BICC1: variants seen among roughly 807,000 people sequenced by gnomAD.
BICC1 encodes the protein protein bicaudal C homolog 1.
A neutral mutation model predicts 111.0 loss-of-function variants in BICC1; 43 were observed. The observed-to-expected ratio is 0.39, with a 90% confidence interval of 0.30 to 0.50. The LOEUF is 0.50. BICC1 is among the 20% of genes least tolerant of loss of function. The pLI is 0.88. For synonymous variants in BICC1, 467 were observed against 434.4 expected, an observed-to-expected ratio of 1.07 and a Z score of -0.93; for missense variants, 1,091 against 1,203.2, an observed-to-expected ratio of 0.91 and a Z score of 1.38.
At chr10:58,710,514 G>T (rs1840540364) in intron 3 of BICC1, among the ~76,000 whole-genome samples, 1 of 152,168 alleles carries the variant, frequency 6.6e-6, no homozygotes, top group Admixed American at 6.5e-5. Flanking sequence ...GGGGAAATTA[G>T]ATTTTACCGT....
chr10:58,790,364 A>G (rs1404026176), intron 8 of BICC1, among the ~76,000 whole-genome samples: 1 of 152,202 alleles, frequency 6.6e-6, no homozygotes, highest in Non-Finnish European at 1.5e-5. Flanking sequence ...TGTCAGCCCA[A>G]AACATTTGTA....
chr10:58,617,133 G>A (rs774052562), intron 1 of BICC1, among the ~76,000 whole-genome samples: 15 of 152,254 alleles, frequency 9.9e-5, no homozygotes, highest in Non-Finnish European at 1.9e-4. Flanking sequence ...AAGGAGCTGC[G>A]CTCCAGTATT....
At chr10:58,696,630 G>A (rs1402036227) in intron 2 of BICC1, among the ~76,000 whole-genome samples, 1 of 152,166 alleles carries the variant, frequency 6.6e-6, no homozygotes, top group Non-Finnish European at 1.5e-5. Flanking sequence ...TAGTATAAGA[G>A]AGCAGCTAAG....
At chr10:58,717,361 A>AG (rs1365416926) in intron 3 of BICC1, among the ~76,000 whole-genome samples, 2 of 1,962 alleles carry the variant, frequency 1.0e-3, no homozygotes, top group East Asian at 0.053. Flanking sequence ...TTTGATTAAA[A>AG]AAAAAAAAAA....
intron 15 of BICC1, among the ~76,000 whole-genome samples, chr10:58,803,885 T>C (rs1843631526): frequency 6.6e-6 from 1 of 152,172 alleles, no homozygotes; most frequent in Non-Finnish European, 1.5e-5. Flanking sequence ...TAGATGACAA[T>C]ATGAAAGATA....
At chr10:58,543,024 T>C (rs1843037270) in intron 1 of BICC1, among the ~76,000 whole-genome samples, 1 of 152,094 alleles carries the variant, frequency 6.6e-6, no homozygotes, top group Non-Finnish European at 1.5e-5. Context: ...TGGGTTTATA[T>C]ACAAGGAATT....
At chr10:58,537,937 G>T (rs1349712786) in intron 1 of BICC1, among the ~76,000 whole-genome samples, 2 of 151,798 alleles carry the variant, frequency 1.3e-5, no homozygotes, top group Admixed American at 1.3e-4. Flanking sequence ...TCTGTACAAG[G>T]AGAACTACAA....
chr10:58,565,677 T>C (rs938147020), intron 1 of BICC1, among the ~76,000 whole-genome samples: 5 of 152,200 alleles, frequency 3.3e-5, no homozygotes, highest in African/African-American at 1.2e-4. Context: ...TGATTAGTGT[T>C]CTCAAAGTCC....
intron 1 of BICC1, among the ~76,000 whole-genome samples, chr10:58,542,848 A>T (rs1207369207): frequency 2.5e-5 from 1 of 39,726 alleles, no homozygotes; most frequent in Non-Finnish European, 5.5e-5. Context: ...GGCCATTATT[A>T]AAAAAAAACA....
intron 20 of BICC1, among the ~76,000 whole-genome samples, chr10:58,827,582 C>G (rs1844435800): frequency 6.6e-6 from 1 of 152,080 alleles, no homozygotes; most frequent in South Asian, 2.1e-4. Flanking sequence ...GAACCAGTGC[C>G]AGACGATGAG....
At chr10:58,693,413 C>A (rs1286277856) in intron 2 of BICC1, among the ~76,000 whole-genome samples, 1 of 151,648 alleles carries the variant, frequency 6.6e-6, no homozygotes, top group African/African-American at 2.4e-5. Flanking sequence ...ATTTCTAGTT[C>A]TAGATCCTTG....
intron 3 of BICC1, among the ~76,000 whole-genome samples, chr10:58,724,227 T>C (rs1841027472): frequency 6.6e-6 from 1 of 152,238 alleles, no homozygotes; most frequent in Admixed American, 6.5e-5. Context: ...AATGCATCCA[T>C]GATTCTTAGA....
At chr10:58,788,521 A>C in intron 6 of BICC1, 98 bp downstream of exon 6, 1 of 805,126 alleles carries the variant, frequency 1.2e-6, no homozygotes, top group Non-Finnish European at 2.0e-6. Flanking sequence ...TAACCGAATC[A>C]TGTTCAATCA....
chr10:58,790,722 G>A (rs997096795), intron 8 of BICC1, among the ~76,000 whole-genome samples: 1 of 152,192 alleles, frequency 6.6e-6, no homozygotes, highest in African/African-American at 2.4e-5. Context: ...TTACTCAGGA[G>A]GCTGAGGGAG....
intron 1 of BICC1, among the ~76,000 whole-genome samples, chr10:58,611,855 C>T (rs1845435507): frequency 6.6e-6 from 1 of 152,004 alleles, no homozygotes; most frequent in African/African-American, 2.4e-5. Flanking sequence ...GGGAATTTAA[C>T]TGCAAAAATA....
intron 3 of BICC1, among the ~76,000 whole-genome samples, chr10:58,763,872 T>C (rs1467705596): frequency 1.3e-5 from 2 of 151,740 alleles, no homozygotes; most frequent in African/African-American, 2.4e-5. Flanking sequence ...ATAGTAAAGT[T>C]ACACAAGTAG....
chr10:58,786,350 C>A (rs908479878), intron 4 of BICC1, among the ~76,000 whole-genome samples: 1 of 152,132 alleles, frequency 6.6e-6, no homozygotes, highest in Admixed American at 6.6e-5. Flanking sequence ...GACCAGTTAT[C>A]TGCACTTTAT....
rs541444697 is a variant in BICC1, at chr10:58,737,914, C to T, written c.307+35771C>T. Among the ~76,000 whole-genome samples the T allele has an allele frequency of 2.7e-4, 41 of 152,238 alleles. 1 individual carries two copies. Among genetic ancestry groups the T allele is most frequent in the Admixed American group, 2.0e-4 (3 of 15,292 alleles). The stretch of plus-strand genomic sequence containing the variant: ...TTGAGAAGTGTCTGTTCATATCCTT[C>T]GCCCACTTGTTGGTGGGGTTGTTTG... On this transcript the variant is annotated intron_variant, in intron 3 of 20. Transcript: ENST00000373886.
intron 2 of BICC1, among the ~76,000 whole-genome samples, chr10:58,657,299 C>T (rs1217994083): frequency 1.3e-5 from 2 of 152,110 alleles, no homozygotes; most frequent in Admixed American, 6.6e-5. Context: ...CACTCATTGG[C>T]GTTTTTGTCT....
Sources: allele counts gnomAD v4.1 joint callset (sites outside exome capture counted in the v4.1 genomes callset), GRCh38; gene constraint gnomAD v4.1.1; transcripts MANE v1.5; gene names NCBI Gene and HGNC (gene_info 2026-07-23, HGNC 2026-07-21).